The following TNNC2 variants were observed in gnomAD, a reference collection of about 807,000 sequenced individuals.
The protein encoded by TNNC2 is troponin C, skeletal muscle.
In TNNC2, 14 loss-of-function variants were observed where a neutral mutation model predicts 20.0. That is an observed-to-expected ratio of 0.70 (90% confidence interval 0.46 to 1.09). The LOEUF (loss-of-function observed/expected upper bound fraction) is 1.09. TNNC2 is among the 50% of genes least tolerant of loss of function. TNNC2 has a pLI of 0.00. For synonymous variants in TNNC2, 81 were observed against 77.3 expected (o/e 1.05, Z -0.25); for missense variants, 163 against 223.8 (o/e 0.73, Z 1.73).
upstream of TNNC2, among the ~76,000 whole-genome samples, chr20:45,829,602 A>AC (rs1983062099): frequency 6.7e-6 from 1 of 149,554 alleles, no homozygotes; most frequent in South Asian, 2.1e-4. Context: ...ACACAGTGAA[A>AC]CCCCATCTCT....
upstream of TNNC2, among the ~76,000 whole-genome samples, chr20:45,830,544 T>C (rs386155): frequency 0.67 from 102,045 of 151,874 alleles, 34,405 homozygotes; most frequent in Admixed American, 0.74. Context: ...AGGTGGTCTC[T>C]AGTAGTTTCC....
Position 45,823,851 on chromosome 20 carries a change from C to G in TNNC2, c.451+140G>C. On this transcript the variant is annotated intron_variant, in intron 5 of 5. Coordinates refer to ENST00000372555, the MANE Select transcript of TNNC2 (RefSeq NM_003279.3). The surrounding 1 kb of genome is among the most constrained non-coding windows in gnomAD (Gnocchi z 4.6). ...TCGTGGAGCGCTTCTATACCTGCCCCCAGGAGACTATGGGGAACTTGGTGA... is the reference window on the plus strand; with the variant it reads ...TCGTGGAGCGCTTCTATACCTGCCCGCAGGAGACTATGGGGAACTTGGTGA... 2 of 1,421,124 alleles carry G rather than the reference C, an allele frequency of 1.4e-6. No individual in the cohort carries two copies. Among genetic ancestry groups the G allele is most frequent in the East Asian group, 2.3e-5 (1 of 42,776 alleles). 88.0% of individuals were successfully genotyped at this position (1,421,124 alleles called of 1,614,324 possible).
In TNNC2 at chr20:45,823,942, G is replaced by A. The variant is rs1335971106; in HGVS notation, c.451+49C>T. On this transcript the variant is annotated intron_variant, in intron 5 of 5. Transcript: ENST00000372555. The surrounding 1 kb of genome is among the most constrained non-coding windows in gnomAD (Gnocchi z 4.6). Reference sequence around the variant, plus strand: ...CCGGAGCCAGGCACCAGTGCCCGCCGTCCTCTGGGGCTCCCACCCGCTCTT... The same window carrying A: ...CCGGAGCCAGGCACCAGTGCCCGCCATCCTCTGGGGCTCCCACCCGCTCTT... The A allele has an allele frequency of 1.9e-6, 3 of 1,610,902 alleles. No homozygotes were observed. Among genetic ancestry groups the A allele is most frequent in the Admixed American group, 1.7e-5 (1 of 59,908 alleles).
upstream of TNNC2, among the ~76,000 whole-genome samples, chr20:45,829,160 G>GTTTTT (rs57079984): frequency 1.0e-5 from 1 of 98,276 alleles, no homozygotes; most frequent in Admixed American, 1.2e-4. Flanking sequence ...TTTGTTTTTG[G>GTTTTT]TTTTTTTTTT....
chr20:45,833,136 T>G, intron 2 of TNNC2: 1 of 150,406 alleles, frequency 6.6e-6, no homozygotes, highest in African/African-American at 2.5e-5. Flanking sequence ...AGAGTGAGAC[T>G]CCATCTCAAA....
upstream of TNNC2, among the ~76,000 whole-genome samples, chr20:45,830,420 C>T (rs1983082681): frequency 6.6e-6 from 1 of 151,306 alleles, no homozygotes; most frequent in African/African-American, 2.4e-5. Context: ...TTTTTTTCTG[C>T]CAGAAACTCC....
rs1982900849 is a variant in TNNC2 at position 45,824,376 on chromosome 20, A to C, written c.230T>G (p.Leu77Trp). 1 of 1,610,872 alleles carries C rather than the reference A, an allele frequency of 6.2e-7. No homozygotes were observed. The highest frequency in any genetic ancestry group is 1.7e-5 in the Admixed American group (1 of 59,994). The change falls in exon 4 of 6, where the codon TTG becomes TGG. Residue 77 changes from leucine to tryptophan, a missense_variant. Leu to Trp is a moderately conservative substitution (Grantham distance 61). Coordinates refer to ENST00000372555, the MANE Select transcript of TNNC2 (RefSeq NM_003279.3). ...GSGTIDFEEF[L>W]VMMVRQMKED... Reference sequence around the variant, plus strand: ...TTTCATCTGGCGCACCATCATGACCAAGAACTCCTCGAAGTCGATGGTGCC... The same window carrying C: ...TTTCATCTGGCGCACCATCATGACCCAGAACTCCTCGAAGTCGATGGTGCC...
Position 45,827,232 on chromosome 20 carries a change from C to G in TNNC2, c.3+14G>C. On this transcript the variant is annotated intron_variant, in intron 1 of 5. Transcript: ENST00000372555. ...TCCCGTGAGTAAAGGCACAAAGTCC[C>G]CTCTTGTCCTTACCATGGTTGCTGG... The G allele has an allele frequency of 1.2e-6, 2 of 1,614,156 alleles. No homozygotes were observed. The highest frequency in any genetic ancestry group is 4.5e-5 in the East Asian group (2 of 44,876).
Position 45,824,835 on chromosome 20 carries a change from C to G in TNNC2, c.4-1G>C. 1.2e-6 allele frequency: 2 copies of G among 1,614,146 alleles called. No individual in the cohort carries two copies. Among genetic ancestry groups the G allele is most frequent in the Non-Finnish European group, 1.7e-6 (2 of 1,180,042 alleles). Reference sequence around the variant, plus strand: ...ACCTGGCCTCAGCCTGCTGGTCCGTCTGCAGGAGACACAGAGAAAGTCTGA... The same window carrying G: ...ACCTGGCCTCAGCCTGCTGGTCCGTGTGCAGGAGACACAGAGAAAGTCTGA... On this transcript the variant is annotated splice_acceptor_variant, in intron 1 of 5. Transcript: ENST00000372555. LOFTEE classifies it high-confidence loss of function.
intron 1 of TNNC2, among the ~76,000 whole-genome samples, chr20:45,826,005 A>ACCCCCCCCCCCCCCCCC (rs111300154): frequency 6.9e-6 from 1 of 144,008 alleles, no homozygotes; most frequent in African/African-American, 2.7e-5. Context: ...CAAGTCGGGA[A>ACCCCCCCCCCCCCCCCC]CCCCCCCCAC....
chr20:45,824,339 T>A lies in TNNC2; in HGVS notation c.267A>T (p.Lys89Asn). ...CGGCCAGCTCCTCCTCGCTCTTCCCTTTCGCGTCCTCTTTCATCTGGCGCA... is the reference window on the plus strand; with the variant it reads ...CGGCCAGCTCCTCCTCGCTCTTCCCATTCGCGTCCTCTTTCATCTGGCGCA... ...MMVRQMKEDA[K>N]GKSEEELAEC... Residue 89 changes from lysine to asparagine, a missense_variant, in exon 4 of 6, where the codon AAA becomes AAT. Coordinates refer to ENST00000372555, the MANE Select transcript of TNNC2 (RefSeq NM_003279.3). The A allele has an allele frequency of 6.2e-7, 1 of 1,611,248 alleles. No homozygotes were observed. Among genetic ancestry groups the A allele is most frequent in the Middle Eastern group, 1.6e-4 (1 of 6,062 alleles).
chr20:45,824,953 C>T, intron 1 of TNNC2, 119 bp from the exon 2 acceptor site: 2 of 1,095,884 alleles, frequency 1.8e-6, no homozygotes, highest in Non-Finnish European at 1.4e-6. Context: ...AGAAGAACAA[C>T]TTCAAACTTG....
intron 2 of TNNC2, 72 bp from the exon 3 acceptor site, chr20:45,824,710 C>CCCCCCCTT: frequency 6.3e-7 from 1 of 1,593,546 alleles, no homozygotes. Context: ...CCCCCCAACC[C>CCCCCCCTT]CCACCCTGCC....
chr20:45,824,257 A>G (rs41305819), intron 4 of TNNC2, 35 bp downstream of exon 4: 28,475 of 1,605,494 alleles, frequency 0.018, 360 homozygotes, highest in South Asian at 0.031. Context: ...TCTGACTGCT[A>G]AGCCCCTCCC....
chr20:45,831,548 T>C (rs1983106791), upstream of TNNC2, among the ~76,000 whole-genome samples: 2 of 151,990 alleles, frequency 1.3e-5, no homozygotes, highest in Non-Finnish European at 2.9e-5. Context: ...GAGGTTGTAG[T>C]GAGCCAAGAG....
In TNNC2 at chr20:45,823,848, C is replaced by T; in HGVS notation, c.451+143G>A. ...GAGTCGTGGAGCGCTTCTATACCTG[C>T]CCCCAGGAGACTATGGGGAACTTGG... On this transcript the variant is annotated intron_variant, in intron 5 of 5. Coordinates refer to ENST00000372555, the MANE Select transcript of TNNC2 (RefSeq NM_003279.3). The surrounding 1 kb of genome is among the most constrained non-coding windows in gnomAD (Gnocchi z 4.6). 2.9e-6 allele frequency: 4 copies of T among 1,372,814 alleles called. No individual in the cohort carries two copies. Among genetic ancestry groups the T allele is most frequent in the Non-Finnish European group, 4.0e-6 (4 of 1,008,884 alleles). 85.0% of individuals were successfully genotyped at this position (1,372,814 alleles called of 1,614,324 possible). A position where few individuals can be genotyped will look rare whatever the true frequency, so the allele number is the denominator to read the frequency against.
rs755132167 is a variant in TNNC2, at chr20:45,827,277, G to A, written c.-29C>T. 2 of 1,614,044 alleles carry A rather than the reference G, an allele frequency of 1.2e-6. No individual in the cohort carries two copies. The highest frequency in any genetic ancestry group is 2.2e-5 in the East Asian group (1 of 44,882). On this transcript the variant is annotated 5_prime_UTR_variant, in exon 1 of 6. Coordinates refer to ENST00000372555, the MANE Select transcript of TNNC2 (RefSeq NM_003279.3). ...TGCTGGTGACCGGGACTCCTCTGTTGCAGGTCGCCTCCTTTGCACTCCACC... is the reference window on the plus strand; with the variant it reads ...TGCTGGTGACCGGGACTCCTCTGTTACAGGTCGCCTCCTTTGCACTCCACC...
upstream of TNNC2, among the ~76,000 whole-genome samples, chr20:45,828,386 G>A (rs1363303004): frequency 6.6e-6 from 1 of 152,184 alleles, no homozygotes; most frequent in Non-Finnish European, 1.5e-5. Context: ...AGTTGGGACA[G>A]ACAGTCCTTG....
upstream of TNNC2, among the ~76,000 whole-genome samples, chr20:45,830,414 T>C (rs947069657): frequency 2.0e-5 from 3 of 152,124 alleles, no homozygotes; most frequent in African/African-American, 4.8e-5. Context: ...ATGCTGTTTT[T>C]TTCTGCCAGA....
Sources: gnomAD v4.1 joint callset for allele counts (sites outside exome capture counted in the v4.1 genomes callset) on GRCh38, gnomAD v4.1.1 for gene constraint, Gnocchi (gnomAD v3.1) non-coding constraint, MANE v1.5 for transcripts, NCBI Gene and HGNC (gene_info 2026-07-23, HGNC 2026-07-21) for gene names.